TRAPPC9: variants seen among roughly 807,000 people sequenced by gnomAD.
The protein encoded by TRAPPC9 is IKK2 binding protein.
In TRAPPC9, 83 loss-of-function variants were observed where a neutral mutation model predicts 124.0. That is an observed-to-expected ratio of 0.67 (90% CI 0.56 to 0.80). TRAPPC9 has a LOEUF of 0.80. Among genes scored for constraint, TRAPPC9 ranks in the 30% least tolerant of loss-of-function variants. The probability of loss-of-function intolerance (pLI) is 0.00; values close to 1 mark genes in which losing one functional copy is unlikely to be tolerated. For missense variants in TRAPPC9, 1,302 were observed against 1,508.3 expected (o/e 0.86, Z 2.27); for synonymous variants, 638 against 617.5 (o/e 1.03, Z -0.49).
chr8:139,792,995 T>C (rs1390491887), intron 21 of TRAPPC9, among the ~76,000 whole-genome samples: 1 of 152,164 alleles, frequency 6.6e-6, no homozygotes, highest in African/African-American at 2.4e-5. Flanking sequence ...CAGGACTAGC[T>C]TGCCACCTGG....
intron 19 of TRAPPC9, among the ~76,000 whole-genome samples, chr8:139,985,534 C>A (rs1837189279): frequency 6.6e-6 from 1 of 152,138 alleles, no homozygotes; most frequent in Admixed American, 6.5e-5. Flanking sequence ...ACGGCTCATA[C>A]ACACAGAAGC....
intron 21 of TRAPPC9, among the ~76,000 whole-genome samples, chr8:139,811,411 A>T (rs1344815217): frequency 6.6e-6 from 1 of 152,268 alleles, no homozygotes; most frequent in Non-Finnish European, 1.5e-5. Context: ...ATCATTTTTC[A>T]GAGTCCTTGT....
chr8:140,356,156 C>T (rs1487453573), intron 9 of TRAPPC9, among the ~76,000 whole-genome samples: 2 of 152,048 alleles, frequency 1.3e-5, no homozygotes, highest in Non-Finnish European at 2.9e-5. Flanking sequence ...CTCCCAGGCA[C>T]GGGGATGCTC....
chr8:140,456,760 G>A, intron 1 of TRAPPC9: 3 of 983,818 alleles, frequency 3.0e-6, no homozygotes, highest in Non-Finnish European at 3.6e-6. Flanking sequence ...AGTTTAAACT[G>A]GGGCCGTGAG....
intron 7 of TRAPPC9, among the ~76,000 whole-genome samples, chr8:140,395,241 T>C (rs2069055242): frequency 6.6e-6 from 1 of 152,194 alleles, no homozygotes; most frequent in Non-Finnish European, 1.5e-5. Context: ...TGTTTGTTTT[T>C]ACTCGGTTTA....
At chr8:140,434,839 G>A (rs754773659) in intron 4 of TRAPPC9, among the ~76,000 whole-genome samples, 3 of 152,006 alleles carry the variant, frequency 2.0e-5, no homozygotes, top group Non-Finnish European at 2.9e-5. Flanking sequence ...GTGTGGTGGC[G>A]GGCGCCTGTA....
At chr8:140,203,976 T>C (rs1393637643) in intron 17 of TRAPPC9, among the ~76,000 whole-genome samples, 1 of 152,098 alleles carries the variant, frequency 6.6e-6, no homozygotes, top group Non-Finnish European at 1.5e-5. Flanking sequence ...GCTGTCAAAC[T>C]TGGTGAAAAG....
intron 21 of TRAPPC9, among the ~76,000 whole-genome samples, chr8:139,863,591 G>C (rs1418146249): frequency 1.3e-5 from 2 of 152,206 alleles, no homozygotes; most frequent in African/African-American, 4.8e-5. Context: ...GTGAGGTGCA[G>C]TACTACCCAG....
chr8:139,775,188 G>A (rs1821275618), intron 21 of TRAPPC9, among the ~76,000 whole-genome samples: 2 of 152,126 alleles, frequency 1.3e-5, no homozygotes, highest in African/African-American at 4.8e-5. Context: ...GGCTCACAGG[G>A]CCATGTCCAC....
intron 17 of TRAPPC9, among the ~76,000 whole-genome samples, chr8:140,125,459 G>A (rs554599357): frequency 8.3e-4 from 127 of 152,250 alleles, no homozygotes; most frequent in African/African-American, 1.9e-3. Context: ...TGGAAAGCGC[G>A]TCATCTGTCA....
At chr8:140,370,884 C>T in intron 8 of TRAPPC9, 80 bp downstream of exon 8, 2 of 1,519,842 alleles carry the variant, frequency 1.3e-6, no homozygotes, top group South Asian at 1.1e-5. Context: ...CGATGTCTGC[C>T]ACTCAGGGCA....
chr8:140,405,750 T>A, intron 5 of TRAPPC9, 52 bp from the exon 6 acceptor site: 1 of 1,609,600 alleles, frequency 6.2e-7, no homozygotes, highest in Non-Finnish European at 8.5e-7. Flanking sequence ...TCTGTATTAT[T>A]TCTTTGTTAA....
intron 17 of TRAPPC9, among the ~76,000 whole-genome samples, chr8:140,090,407 C>A (rs1844485795): frequency 6.6e-6 from 1 of 152,192 alleles, no homozygotes; most frequent in Non-Finnish European, 1.5e-5. Context: ...TACGATGCCC[C>A]AGGTTCAGAG....
Position 140,450,819 on chromosome 8 carries a change from C to T in TRAPPC9, c.555G>A (p.Lys185=), listed in dbSNP as rs57593250. Reference sequence around the variant, plus strand: ...TGTCTGTGTCCAGTCCTACAAAGTCCTTTTTCTCAAACGGGACACAGAGAA... The same window carrying T: ...TGTCTGTGTCCAGTCCTACAAAGTCTTTTTTCTCAAACGGGACACAGAGAA... The part of the protein sequence containing the change: ...IPLLCVPFEK[K]DFVGLDTDSR... Residue 185 remains lysine (K), a synonymous_variant, in exon 2 of 23, where the codon AAG becomes AAA. Transcript: ENST00000438773. 129,523 of 1,611,570 alleles carry T rather than the reference C, an allele frequency of 0.08. 5,701 individuals are homozygous for T. The highest frequency in any genetic ancestry group is 0.11 in the African/African-American group (8,212 of 74,966).
intron 17 of TRAPPC9, among the ~76,000 whole-genome samples, chr8:140,204,621 A>AT (rs1222610186): frequency 6.6e-6 from 1 of 151,954 alleles, no homozygotes; most frequent in Non-Finnish European, 1.5e-5. Context: ...TTAAAGTATA[A>AT]TAAAAAAATA....
intron 17 of TRAPPC9, among the ~76,000 whole-genome samples, chr8:140,045,771 C>A (rs578062044): frequency 6.6e-6 from 1 of 151,678 alleles, no homozygotes; most frequent in Non-Finnish European, 1.5e-5. Flanking sequence ...AAGGAGGACA[C>A]GCCCAGCTCA....
chr8:139,867,363 T>C (rs1433784053), intron 21 of TRAPPC9, among the ~76,000 whole-genome samples: 1 of 152,230 alleles, frequency 6.6e-6, no homozygotes, highest in East Asian at 1.9e-4. Context: ...CAATGAATTT[T>C]AACCCAATGA....
chr8:139,897,177 C>A (rs1830715889), intron 20 of TRAPPC9, among the ~76,000 whole-genome samples: 1 of 152,340 alleles, frequency 6.6e-6, no homozygotes, highest in Middle Eastern at 3.4e-3. Context: ...TCACAGCGTC[C>A]TCCAAGCTTG....
intron 17 of TRAPPC9, among the ~76,000 whole-genome samples, chr8:140,138,448 G>C (rs927321185): frequency 1.3e-5 from 2 of 152,186 alleles, no homozygotes; most frequent in Admixed American, 1.3e-4. Context: ...GAGGTAAAAA[G>C]GATGCCCCAC....
Sources: gnomAD v4.1 joint callset for allele counts (sites outside exome capture counted in the v4.1 genomes callset) on GRCh38, gnomAD v4.1.1 for gene constraint, MANE v1.5 for transcripts, NCBI Gene and HGNC (gene_info 2026-07-23, HGNC 2026-07-21) for gene names.